Variants in RNGTT observed in about 807,000 individuals in gnomAD.
RNGTT encodes the protein RNA guanylyltransferase and 5'-phosphatase, also known as mRNA-capping enzyme.
RNGTT carries 33 observed loss-of-function variants against 79.3 expected under a neutral mutation model. The ratio of observed to expected loss-of-function variants is 0.42; its 90% confidence interval spans 0.32 to 0.56. The LOEUF (loss-of-function observed/expected upper bound fraction) is 0.56, where lower values mean the gene tolerates loss of function less well. Ranked by LOEUF, RNGTT falls within the 20% of genes least tolerant of loss-of-function variation. RNGTT has a pLI of 0.17. For synonymous variants in RNGTT, 222 were observed against 235.9 expected (o/e 0.94, Z 0.54); for missense variants, 497 against 739.1 (o/e 0.67, Z 3.80).
intron 8 of RNGTT, among the ~76,000 whole-genome samples, chr6:88,876,475 A>G (rs887507980): frequency 2.0e-5 from 3 of 152,182 alleles, no homozygotes; most frequent in African/African-American, 7.2e-5. Flanking sequence ...TGAGTGTGCC[A>G]CTCCACTCCA....
intron 14 of RNGTT, among the ~76,000 whole-genome samples, chr6:88,623,705 G>A (rs1420158043): frequency 1.3e-5 from 2 of 151,942 alleles, no homozygotes; most frequent in Non-Finnish European, 2.9e-5. Flanking sequence ...TTTGAAAAAT[G>A]TTAATCCAAT....
At chr6:88,615,901 C>G (rs1178275694) in intron 14 of RNGTT, among the ~76,000 whole-genome samples, 1 of 152,158 alleles carries the variant, frequency 6.6e-6, no homozygotes, top group Non-Finnish European at 1.5e-5. Context: ...TCCATCTTAA[C>G]CATTTTTAAG....
chr6:88,872,179 T>A (rs1441460929), intron 8 of RNGTT, among the ~76,000 whole-genome samples: 1 of 152,184 alleles, frequency 6.6e-6, no homozygotes, highest in Admixed American at 6.5e-5. Flanking sequence ...CTCTTGCTAA[T>A]CTATGTTTTG....
At chr6:88,617,111 T>C (rs1387766317) in intron 14 of RNGTT, among the ~76,000 whole-genome samples, 1 of 152,124 alleles carries the variant, frequency 6.6e-6, no homozygotes. Context: ...CTACTAAAAA[T>C]ACAAAAAGAT....
intron 14 of RNGTT, among the ~76,000 whole-genome samples, chr6:88,668,182 G>A (rs1582304380): frequency 6.6e-6 from 1 of 152,180 alleles, no homozygotes; most frequent in East Asian, 1.9e-4. Context: ...TAGCCCCTTT[G>A]TGGCCACGGT....
intron 13 of RNGTT, among the ~76,000 whole-genome samples, chr6:88,698,191 A>C (rs1282372934): frequency 1.5e-4 from 16 of 103,902 alleles, no homozygotes; most frequent in East Asian, 9.3e-4. Context: ...ATATATATGA[A>C]ATATATATGA....
At chr6:88,758,242 T>G (rs1240067860) in intron 13 of RNGTT, among the ~76,000 whole-genome samples, 2 of 152,218 alleles carry the variant, frequency 1.3e-5, no homozygotes, top group East Asian at 3.8e-4. Context: ...ATAATTACAA[T>G]TTTTGATAAG....
At chr6:88,769,429 G>C (rs1778574768) in intron 13 of RNGTT, among the ~76,000 whole-genome samples, 2 of 151,976 alleles carry the variant, frequency 1.3e-5, no homozygotes, top group South Asian at 4.1e-4. Flanking sequence ...CAAAGTGCTA[G>C]GATTACAGGC....
At chr6:88,809,115 G>A (rs1321485010) in intron 11 of RNGTT, among the ~76,000 whole-genome samples, 4 of 152,106 alleles carry the variant, frequency 2.6e-5, no homozygotes, top group Non-Finnish European at 5.9e-5. Context: ...ATAAGACAAT[G>A]AGAACTTCTG....
chr6:88,934,074 G>T lies in RNGTT; in HGVS notation c.175-4807C>A, dbSNP rs545504223. ...AGACAGGGTTTTGCTCTGCCACCCA[G>T]GCTGGAGTGCAGTAGCACAATCATA... On this transcript the variant is annotated intron_variant, in intron 2 of 15. Coordinates refer to ENST00000369485, the MANE Select transcript of RNGTT (RefSeq NM_003800.5). 2.6e-5 allele frequency among the ~76,000 whole-genome samples: 4 copies of T among 152,202 alleles called. No individual in the cohort carries two copies. In the South Asian group the frequency reaches 8.3e-4, roughly 32 times the overall value.
intron 13 of RNGTT, among the ~76,000 whole-genome samples, chr6:88,742,607 G>A (rs1777531146): frequency 6.6e-6 from 1 of 152,182 alleles, no homozygotes; most frequent in African/African-American, 2.4e-5. Flanking sequence ...TTGTGACAAA[G>A]AGTGCTGTGG....
intron 13 of RNGTT, among the ~76,000 whole-genome samples, chr6:88,769,060 T>C (rs2127841562): frequency 1.3e-5 from 2 of 152,334 alleles, no homozygotes; most frequent in Middle Eastern, 6.8e-3. Flanking sequence ...TCATATCTTA[T>C]ATCTAGATCT....
intron 4 of RNGTT, among the ~76,000 whole-genome samples, chr6:88,915,985 T>G (rs1783987601): frequency 6.6e-6 from 1 of 152,148 alleles, no homozygotes; most frequent in African/African-American, 2.4e-5. Flanking sequence ...CAAAACAAAA[T>G]ATGTAAGACC....
intron 8 of RNGTT, among the ~76,000 whole-genome samples, chr6:88,871,854 T>G (rs1320505161): frequency 6.6e-6 from 1 of 151,998 alleles, no homozygotes; most frequent in Admixed American, 6.6e-5. Flanking sequence ...CTATCATAAA[T>G]CCCCTCTCCA....
At chr6:88,930,150 G>A (rs61240276) in intron 2 of RNGTT, among the ~76,000 whole-genome samples, 6,168 of 144,156 alleles carry the variant, frequency 0.043, 193 homozygotes, top group African/African-American at 0.081. Context: ...ATACATATAC[G>A]TACATACATA....
At chr6:88,943,703 C>G (rs1276818748) in intron 1 of RNGTT, among the ~76,000 whole-genome samples, 1 of 152,194 alleles carries the variant, frequency 6.6e-6, no homozygotes, top group Non-Finnish European at 1.5e-5. Flanking sequence ...CAGACTTTCT[C>G]TCCCTCTTAC....
At chr6:88,812,741 A>G (rs189898959) in intron 11 of RNGTT, among the ~76,000 whole-genome samples, 66 of 152,370 alleles carry the variant, frequency 4.3e-4, no homozygotes, top group Admixed American at 4.1e-3. Flanking sequence ...TACATATCAT[A>G]TGAGATTACA....
At chr6:88,858,434 C>A (rs1461756448) in intron 8 of RNGTT, among the ~76,000 whole-genome samples, 1 of 152,160 alleles carries the variant, frequency 6.6e-6, no homozygotes, top group African/African-American at 2.4e-5. Flanking sequence ...GAAGCTATTA[C>A]AGGAGCCTAC....
rs563237102 is a variant in RNGTT at position 88,742,632 on chromosome 6, T to A, written c.1439+27142A>T. ...GAGTGCTGTGGCTAAGTGACCCAGA[T>A]CTATTGACAAGGCTTGGAAGAGTTA... On this transcript the variant is annotated intron_variant, in intron 13 of 15. Coordinates refer to ENST00000369485, the MANE Select transcript of RNGTT (RefSeq NM_003800.5). 2.3e-3 allele frequency among the ~76,000 whole-genome samples: 343 copies of A among 152,254 alleles called. 4 individuals carry two copies. Among genetic ancestry groups the A allele is most frequent in the Middle Eastern group, 0.01 (3 of 294 alleles).
Sources: allele counts gnomAD v4.1 joint callset (sites outside exome capture counted in the v4.1 genomes callset), GRCh38; gene constraint gnomAD v4.1.1; transcripts MANE v1.5; gene names NCBI Gene and HGNC (gene_info 2026-07-23, HGNC 2026-07-21).